Variants in KLC3 observed in about 807,000 individuals in gnomAD.
The protein encoded by KLC3 is kinesin light chain 2.
A neutral mutation model predicts 62.9 loss-of-function variants in KLC3; 72 were observed. That is an observed-to-expected ratio of 1.15 (90% CI 0.95 to 1.39). The LOEUF is 1.39. Among genes scored for constraint, KLC3 ranks in the 40% most tolerant of loss-of-function variants. KLC3 has a pLI of 0.00. For synonymous variants in KLC3, 377 were observed against 300.5 expected, an observed-to-expected ratio of 1.25 and a Z score of -2.63; for missense variants, 848 against 691.6, an observed-to-expected ratio of 1.23 and a Z score of -2.54.
At position 45,340,759 on chromosome 19, in the gene KLC3, G is replaced by GC. The variant is rs1701582777; in HGVS notation, c.-95dup. The stretch of plus-strand genomic sequence containing the variant: ...AGCCGCCCGAGGTCCCAGACGCCCG[G>GC]CGCAGCGGGAGCGGCGGGGCGTGCC... On this transcript the variant is annotated 5_prime_UTR_variant, in exon 1 of 13. Coordinates refer to ENST00000391946, the MANE Select transcript of KLC3 (RefSeq NM_177417.3). The GC allele has an allele frequency of 6.6e-6, 1 of 152,066 alleles. No individual in the cohort carries two copies. Among genetic ancestry groups the GC allele is most frequent in the South Asian group, 2.1e-4 (1 of 4,832 alleles). The allele number at this position is 152,066 out of a possible 1,614,324, so 9.4% of individuals were successfully genotyped here.
chr19:45,344,548 C>T (rs1971450638), intron 1 of KLC3, among the ~76,000 whole-genome samples: 1 of 150,708 alleles, frequency 6.6e-6, no homozygotes, highest in Non-Finnish European at 1.5e-5. Context: ...AGGGAGAGTG[C>T]GTGTGTGTGT....
intron 6 of KLC3, 21 bp from the exon 7 acceptor site, chr19:45,348,799 G>T: frequency 6.4e-7 from 1 of 1,562,594 alleles, no homozygotes; most frequent in African/African-American, 1.4e-5. Context: ...TCCCTGACCT[G>T]TGCCTCCCCC....
At chr19:45,348,308 G>C in intron 5 of KLC3, 148 bp downstream of exon 5, 1 of 779,680 alleles carries the variant, frequency 1.3e-6, no homozygotes, top group African/African-American at 1.7e-5. Context: ...GGAAGGGAAG[G>C]CTCCTGCTGT....
chr19:45,349,668 G>T (rs1971616117), intron 8 of KLC3, 66 bp downstream of exon 8: 1 of 1,209,310 alleles, frequency 8.3e-7, no homozygotes, highest in African/African-American at 1.5e-5. Context: ...GCACCCATTG[G>T]TTGGATACAG....
rs752441115 is a variant in KLC3 at position 45,350,494 on chromosome 19, TCCCCCATCTTTCCCCCTAGGTG to T, written c.1235-13_1243del. The T allele has an allele frequency of 1.2e-5, 20 of 1,613,036 alleles. No individual in the cohort carries two copies. The highest frequency in any genetic ancestry group is 1.7e-5 in the Non-Finnish European group (20 of 1,179,646). On this transcript the variant is annotated splice_acceptor_variant and splice_polypyrimidine_tract_variant and coding_sequence_variant and intron_variant, in exon 10 of 13. Coordinates refer to ENST00000391946, the MANE Select transcript of KLC3 (RefSeq NM_177417.3). LOFTEE classifies it high-confidence loss of function. ...GCTTCTCTATGTCCCCATCTCAGTG[TCCCCCATCTTTCCCCCTAGGTG>T]CCCCCAACACAGGCACAGCTGGTGA...
intron 8 of KLC3, chr19:45,350,114 G>C (rs1000022619): frequency 3.6e-6 from 2 of 557,052 alleles, no homozygotes; most frequent in Non-Finnish European, 6.4e-6. Context: ...GGAAGGATAC[G>C]GCCAGGTCAG....
At chr19:45,347,345 A>C (rs1971525387) in intron 3 of KLC3, 102 bp from the exon 4 acceptor site, 2 of 877,516 alleles carry the variant, frequency 2.3e-6, no homozygotes, top group South Asian at 3.2e-5. Context: ...CGTCTCAAAA[A>C]AAAAAAAAAA....
chr19:45,344,379 A>AT (rs11418920), intron 1 of KLC3, among the ~76,000 whole-genome samples: 42,560 of 121,200 alleles, frequency 0.35, 9,039 homozygotes, highest in African/African-American at 0.61. Context: ...ATGCTCTGCT[A>AT]TTTTTTTTTT....
chr19:45,347,818 T>G lies in KLC3; in HGVS notation c.560-123T>G, dbSNP rs1421911277. On this transcript the variant is annotated intron_variant, in intron 4 of 12. Transcript: ENST00000391946. ...GTGACTCCTATCTCAGAAGTTAGCG[T>G]GGGGGCCCATAGTCCCAGGGGCCAG... 9 of 794,322 alleles carry G rather than the reference T, an allele frequency of 1.1e-5. No homozygotes were observed. In the Admixed American group the frequency reaches 2.3e-4, roughly 20 times the overall value. 49.2% of individuals were successfully genotyped at this position (794,322 alleles called of 1,614,324 possible).
At position 45,351,418 on chromosome 19, in the gene KLC3, G is replaced by T; in HGVS notation, c.*61G>T. 1 of 1,593,080 alleles carries T rather than the reference G, an allele frequency of 6.3e-7. No homozygotes were observed. On this transcript the variant is annotated 3_prime_UTR_variant, in exon 13 of 13. Transcript: ENST00000391946. ...AACAGTGCAGGAGGGATGGGCTGGT[G>T]GGGTGAGAGGGGGTCTATCATCTCC...
chr19:45,350,598 C>A, intron 10 of KLC3, 43 bp from the exon 11 acceptor site: 1 of 1,613,540 alleles, frequency 6.2e-7, no homozygotes, highest in Non-Finnish European at 8.5e-7. Context: ...GTGGGGACTG[C>A]ATGGGCCTGG....
At chr19:45,349,284 T>C (rs1176374394) in intron 7 of KLC3, 145 bp from the exon 8 acceptor site, 9 of 793,800 alleles carry the variant, frequency 1.1e-5, no homozygotes, top group Non-Finnish European at 1.8e-5. Context: ...TTAGATGGTA[T>C]AACTTGTGTC....
chr19:45,342,300 G>T (rs1299817676), intron 1 of KLC3, among the ~76,000 whole-genome samples: 1 of 152,084 alleles, frequency 6.6e-6, no homozygotes, highest in Non-Finnish European at 1.5e-5. Flanking sequence ...CAAGCACACA[G>T]ATTGGCCGGG....
In KLC3 at chr19:45,348,123, G is replaced by T. The variant is rs763220618; in HGVS notation, c.742G>T (p.Val248Leu). The T allele has an allele frequency of 3.7e-6, 6 of 1,600,592 alleles. No homozygotes were observed. The East Asian group carries it at 6.8e-5, about 18-fold the overall frequency. Residue 248 changes from valine to leucine, a missense_variant, in exon 5 of 13, where the codon GTG becomes TTG. Coordinates refer to ENST00000391946, the MANE Select transcript of KLC3 (RefSeq NM_177417.3). ...CAGCTCGGGCCACTGCCACCCTGACGTGGCCACCATGCTCAACATCCTGGC... is the reference window on the plus strand; with the variant it reads ...CAGCTCGGGCCACTGCCACCCTGACTTGGCCACCATGCTCAACATCCTGGC... ...ERSSGHCHPD[V>L]ATMLNILALV...
chr19:45,350,259 CAAA>C (rs61513187), intron 8 of KLC3, 79 bp from the exon 9 acceptor site: 2,904 of 867,114 alleles, frequency 3.3e-3, no homozygotes, highest in South Asian at 3.8e-3. Context: ...CCTGTCTCTA[CAAA>C]AAAAAAAAAA....
Position 45,350,571 on chromosome 19 carries a change from C to T in KLC3, c.1272+20C>T, listed in dbSNP as rs766510843. ...GAACAGGTGAGGATGGGCTGTGCTT[C>T]GGCTCCTGGGGTGGGCGTGGGGACT... On this transcript the variant is annotated intron_variant, in intron 10 of 12. Transcript: ENST00000391946. 54 of 1,613,918 alleles carry T rather than the reference C, an allele frequency of 3.3e-5. No homozygotes were observed. Among genetic ancestry groups the T allele is most frequent in the East Asian group, 4.5e-5 (2 of 44,852 alleles).
chr19:45,346,411 A>G, intron 2 of KLC3, 133 bp from the exon 3 acceptor site: 2 of 795,702 alleles, frequency 2.5e-6, no homozygotes, highest in South Asian at 4.0e-5. Flanking sequence ...CCATGTTGGC[A>G]GAGTCTCTGC....
chr19:45,350,794 C>A, intron 11 of KLC3, 47 bp downstream of exon 11: 1 of 1,512,176 alleles, frequency 6.6e-7, no homozygotes, highest in Non-Finnish European at 9.1e-7. Context: ...CAGCAGAATC[C>A]ACAGCCCACC....
In KLC3 at chr19:45,351,452, C is replaced by G. The variant is rs1006255231; in HGVS notation, c.*95C>G. Reference sequence around the variant, plus strand: ...GGGGGTCTATCATCTCCTGGCCCCCCCTTGCCTCTGGGTACCTGGTGGATA... The same window carrying G: ...GGGGGTCTATCATCTCCTGGCCCCCGCTTGCCTCTGGGTACCTGGTGGATA... On this transcript the variant is annotated 3_prime_UTR_variant, in exon 13 of 13. Transcript: ENST00000391946. The G allele has an allele frequency of 5.1e-6, 8 of 1,583,122 alleles. No individual in the cohort carries two copies. In the African/African-American group the frequency reaches 5.4e-5, roughly 11 times the overall value.
Sources: gnomAD v4.1 joint callset for allele counts (sites outside exome capture counted in the v4.1 genomes callset) on GRCh38, gnomAD v4.1.1 for gene constraint, MANE v1.5 for transcripts, NCBI Gene and HGNC (gene_info 2026-07-23, HGNC 2026-07-21) for gene names.